The following SSH2 variants were observed in gnomAD, a reference collection of about 807,000 sequenced individuals.
SSH2 encodes the protein slingshot protein phosphatase 2.
Under a neutral mutation model 135.2 loss-of-function variants are expected in SSH2, and 37 were observed. The ratio of observed to expected loss-of-function variants is 0.27; its 90% confidence interval spans 0.21 to 0.36. The LOEUF is 0.36. Among genes scored for constraint, SSH2 ranks in the 10% least tolerant of loss-of-function variants. The pLI, the probability that SSH2 is intolerant of heterozygous loss-of-function variation, is 1.00. For synonymous variants in SSH2, 628 were observed against 646.2 expected (o/e 0.97, Z 0.43); for missense variants, 1,408 against 1,765.3 (o/e 0.80, Z 3.63).
chr17:29,671,136 T>C (rs1444134898), intron 9 of SSH2, among the ~76,000 whole-genome samples: 2 of 152,100 alleles, frequency 1.3e-5, no homozygotes, highest in Non-Finnish European at 2.9e-5. Context: ...AAGGCAAAGG[T>C]AGAGCAGAAT....
rs1263242341 is a variant in SSH2, at chr17:29,631,923, G to C, written c.3271C>G (p.Leu1091Val). The C allele has an allele frequency of 1.2e-6, 2 of 1,614,204 alleles. No individual in the cohort carries two copies. The highest frequency in any genetic ancestry group is 1.7e-6 in the Non-Finnish European group (2 of 1,180,038). ...CTLDENLNRT[L>V]DPNQVSLHPQ... ...TGCAGAGAAACCTGGTTGGGGTCCA[G>C]AGTCCTGTTTAGATTTTCATCCAGT... The change falls in exon 16 of 16, where the codon CTG becomes GTG. Residue 1091 changes from leucine to valine, a missense_variant. This residue lies in a region of SSH2 where 1,080 missense variants were observed against 1,144.5 expected (regional missense o/e 0.94). Transcript: ENST00000540801.
intron 14 of SSH2, chr17:29,643,371 A>G: frequency 1.6e-6 from 1 of 617,618 alleles, no homozygotes; most frequent in Non-Finnish European, 2.0e-6. Flanking sequence ...GGGTTCAGGA[A>G]ATGTGGCACT....
chr17:29,636,895 G>C (rs886688108), intron 14 of SSH2, 93 bp from the exon 15 acceptor site: 59 of 907,374 alleles, frequency 6.5e-5, no homozygotes, highest in Non-Finnish European at 9.2e-5. Flanking sequence ...ATCTTAACTT[G>C]TAAAAATGCT....
intron 1 of SSH2, chr17:29,855,864 G>A (rs562402281): frequency 1.4e-4 from 26 of 180,438 alleles, no homozygotes; most frequent in Middle Eastern, 4.5e-3. Context: ...AAGTTAGGGA[G>A]GGACTTCAAT....
intron 5 of SSH2, among the ~76,000 whole-genome samples, chr17:29,695,256 A>G (rs1342332713): frequency 6.6e-6 from 1 of 152,212 alleles, no homozygotes; most frequent in Non-Finnish European, 1.5e-5. Context: ...CTGAACTTCA[A>G]TTGTAATTAT....
chr17:29,806,163 G>T (rs1599024381), intron 2 of SSH2, among the ~76,000 whole-genome samples: 2 of 152,294 alleles, frequency 1.3e-5, no homozygotes, highest in South Asian at 4.1e-4. Flanking sequence ...AGAAGACTCT[G>T]CCTCTGTGTC....
chr17:29,823,878 C>CAA (rs60064865), intron 2 of SSH2, among the ~76,000 whole-genome samples: 1,315 of 84,400 alleles, frequency 0.016, 37 homozygotes, highest in African/African-American at 0.041. Context: ...GACTCTGTCT[C>CAA]AAAAAAAAAA....
At chr17:29,809,808 T>G (rs2042410176) in intron 2 of SSH2, among the ~76,000 whole-genome samples, 1 of 152,040 alleles carries the variant, frequency 6.6e-6, no homozygotes, top group South Asian at 2.1e-4. Context: ...TCCTTCCACC[T>G]CGGCCTCCCA....
chr17:29,653,848 A>G (rs1243919166), intron 12 of SSH2, among the ~76,000 whole-genome samples: 1 of 152,154 alleles, frequency 6.6e-6, no homozygotes, highest in African/African-American at 2.4e-5. Flanking sequence ...TCAACCTCCC[A>G]AAGTGCTGGG....
chr17:29,843,341 C>T (rs2043075703), intron 2 of SSH2, among the ~76,000 whole-genome samples: 2 of 152,030 alleles, frequency 1.3e-5, no homozygotes, highest in Admixed American at 6.6e-5. Flanking sequence ...TCGAGACCAG[C>T]CTGGCCAATA....
intron 3 of SSH2, among the ~76,000 whole-genome samples, chr17:29,788,309 C>T (rs1195585370): frequency 2.0e-5 from 3 of 152,130 alleles, no homozygotes; most frequent in African/African-American, 7.2e-5. Context: ...CTATTGAAGG[C>T]CTGAATAGAA....
intron 8 of SSH2, among the ~76,000 whole-genome samples, chr17:29,675,171 G>C (rs2037653647): frequency 6.6e-6 from 1 of 152,108 alleles, no homozygotes; most frequent in Admixed American, 6.6e-5. Flanking sequence ...CTAAAAATCT[G>C]GTCTAAACAC....
At chr17:29,744,165 G>A (rs2040672764) in intron 3 of SSH2, among the ~76,000 whole-genome samples, 1 of 152,160 alleles carries the variant, frequency 6.6e-6, no homozygotes, top group Non-Finnish European at 1.5e-5. Context: ...GGGTAGGAGG[G>A]GGAGTGGGGG....
rs995970774 is a variant in SSH2 at position 29,689,827 on chromosome 17, G to A, written c.358-5143C>T. 3.3e-5 allele frequency among the ~76,000 whole-genome samples: 5 copies of A among 151,702 alleles called. No individual in the cohort carries two copies. In the South Asian group the frequency reaches 6.3e-4, roughly 19 times the overall value. ...GGGCATAGTGGCATGCCAGCTACTC[G>A]GGAGGCTGCAGTGGGAGTATTACTA... is the stretch of plus-strand genomic sequence containing the variant. On this transcript the variant is annotated intron_variant, in intron 5 of 15. Coordinates refer to ENST00000540801, the MANE Select transcript of SSH2 (RefSeq NM_001282129.2).
intron 3 of SSH2, among the ~76,000 whole-genome samples, chr17:29,747,201 ATAGTT>A (rs1299520368): frequency 3.3e-5 from 5 of 152,212 alleles, no homozygotes; most frequent in African/African-American, 1.2e-4. Context: ...AACAATTTAA[ATAGTT>A]TAGTTCATTA....
rs553792606 is a variant in SSH2 at position 29,749,575 on chromosome 17, AAT to A, written c.188+44317_188+44318del. Among the ~76,000 whole-genome samples, 160 of 152,318 alleles carry A rather than the reference AAT, an allele frequency of 1.1e-3. 1 individual carries two copies. Among genetic ancestry groups the A allele is most frequent in the African/African-American group, 3.8e-3 (156 of 41,582 alleles). On this transcript the variant is annotated intron_variant, in intron 3 of 15. Transcript: ENST00000540801. ...TGGTACACCTGTAAGGGGCACTTACAATCAATGGAGCTTGCAGGACTGGAAGT... is the reference window on the plus strand; with the variant it reads ...TGGTACACCTGTAAGGGGCACTTACACAATGGAGCTTGCAGGACTGGAAGT...
At chr17:29,734,400 T>C (rs1026078988) in intron 3 of SSH2, among the ~76,000 whole-genome samples, 1 of 152,198 alleles carries the variant, frequency 6.6e-6, no homozygotes, top group African/African-American at 2.4e-5. Context: ...CTATGCGTGG[T>C]AGGCTGCAGA....
intron 3 of SSH2, among the ~76,000 whole-genome samples, chr17:29,709,050 A>AGAGAGAGC (rs982312745): frequency 3.4e-5 from 5 of 145,574 alleles, no homozygotes; most frequent in South Asian, 2.1e-4. Flanking sequence ...AGAGAGAGAG[A>AGAGAGAGC]GAGCTAATAA....
intron 1 of SSH2, among the ~76,000 whole-genome samples, chr17:29,895,284 T>C (rs1167042339): frequency 8.1e-6 from 1 of 123,722 alleles, no homozygotes; most frequent in Non-Finnish European, 1.6e-5. Context: ...AAATATATTT[T>C]ATATATACAT....
Sources: allele counts gnomAD v4.1 joint callset (sites outside exome capture counted in the v4.1 genomes callset), GRCh38; gene constraint gnomAD v4.1.1; regional missense constraint gnomAD v4.1.1; transcripts MANE v1.5; gene names NCBI Gene and HGNC (gene_info 2026-07-23, HGNC 2026-07-21).